The following MACROD2 variants were observed in gnomAD, a reference collection of about 807,000 sequenced individuals.
MACROD2 encodes the protein ADP-ribose glycohydrolase MACROD2.
In MACROD2, 36 loss-of-function variants were observed where a neutral mutation model predicts 70.4. The observed-to-expected ratio is 0.51, with a 90% confidence interval of 0.39 to 0.68. MACROD2 has a LOEUF of 0.68. Among genes scored for constraint, MACROD2 ranks in the 30% least tolerant of loss-of-function variants. MACROD2 has a pLI of 0.00. For synonymous variants in MACROD2, 172 were observed against 178.8 expected (o/e 0.96, Z 0.30); for missense variants, 496 against 538.4 (o/e 0.92, Z 0.78).
At chr20:14,792,174 A>G (rs1358317687) in intron 5 of MACROD2, among the ~76,000 whole-genome samples, 11 of 152,034 alleles carry the variant, frequency 7.2e-5, no homozygotes, top group Admixed American at 6.6e-4. Flanking sequence ...AATGGCGGCC[A>G]CTGTTTCTCT....
intron 5 of MACROD2, among the ~76,000 whole-genome samples, chr20:14,758,415 C>T (rs1465776724): frequency 6.6e-6 from 1 of 152,134 alleles, no homozygotes; most frequent in Non-Finnish European, 1.5e-5. Flanking sequence ...TTAAAGCATG[C>T]AGTCCTGTAT....
chr20:15,668,038 T>A (rs1053581876), intron 8 of MACROD2, among the ~76,000 whole-genome samples: 2 of 151,456 alleles, frequency 1.3e-5, no homozygotes, highest in Non-Finnish European at 2.9e-5. Flanking sequence ...GGTGGGTAGG[T>A]CACCTGAGGT....
At chr20:16,020,891 C>T (rs1044836199) in intron 15 of MACROD2, among the ~76,000 whole-genome samples, 4 of 152,110 alleles carry the variant, frequency 2.6e-5, no homozygotes, top group Non-Finnish European at 2.9e-5. Context: ...CATTAATTTA[C>T]ATATGTAATT....
rs2066496781 is a variant in MACROD2 at position 15,987,138 on chromosome 20, A to G, written c.1133A>G (p.Glu378Gly). 9 of 1,610,794 alleles carry G rather than the reference A, an allele frequency of 5.6e-6. No individual in the cohort carries two copies. The East Asian group carries it at 2.0e-4, about 36-fold the overall frequency. Residue 378 changes from glutamate (E) to glycine (G), a missense_variant, in exon 15 of 18, where the codon GAA becomes GGA. Physicochemically the swap from Glu to Gly is moderately conservative, Grantham distance 98 (BLOSUM62 -2). Coordinates refer to ENST00000684519, the MANE Select transcript of MACROD2 (RefSeq NM_001351661.2). ...GTGATTCCATTAACAGAGGACCAAG[A>G]AGAAAAAGAAGGTGAAAAAGGTAGG... is the stretch of plus-strand genomic sequence containing the variant. ...PEVIPLTEDQ[E>G]EKEGEKAPGE... is the part of the protein sequence containing the mutation.
intron 5 of MACROD2, among the ~76,000 whole-genome samples, chr20:15,073,028 T>G (rs2075630684): frequency 1.3e-5 from 2 of 152,256 alleles, no homozygotes; most frequent in Admixed American, 1.3e-4. Flanking sequence ...TCTTTGCCCT[T>G]CTGCCATGGG....
chr20:15,112,163 C>G (rs566838004), intron 5 of MACROD2, among the ~76,000 whole-genome samples: 2 of 152,094 alleles, frequency 1.3e-5, no homozygotes, highest in African/African-American at 4.8e-5. Context: ...GTTGCAGAGA[C>G]CCTGACAGGA....
chr20:14,985,200 ACAC>A (rs2074837673), intron 5 of MACROD2, among the ~76,000 whole-genome samples: 1 of 152,156 alleles, frequency 6.6e-6, no homozygotes, highest in Non-Finnish European at 1.5e-5. Context: ...CTAACCTATG[ACAC>A]TTCACTCAAT....
At chr20:14,564,494 C>G (rs2123300789) in intron 4 of MACROD2, among the ~76,000 whole-genome samples, 1 of 151,652 alleles carries the variant, frequency 6.6e-6, no homozygotes, top group African/African-American at 2.4e-5. Context: ...ACTCAAATAA[C>G]TCAACAAGAA....
chr20:15,545,324 C>T (rs1263353870), intron 8 of MACROD2, among the ~76,000 whole-genome samples: 1 of 152,180 alleles, frequency 6.6e-6, no homozygotes. Context: ...TATTAAGCTG[C>T]AAATCACTGG....
chr20:14,701,806 A>G (rs755160608), intron 5 of MACROD2, among the ~76,000 whole-genome samples: 20 of 152,142 alleles, frequency 1.3e-4, no homozygotes, highest in Non-Finnish European at 2.5e-4. Flanking sequence ...TATGTCCCTG[A>G]GCTTGGTGTG....
intron 3 of MACROD2, among the ~76,000 whole-genome samples, chr20:14,302,254 G>GGA (rs1308575048): frequency 9.9e-5 from 15 of 152,150 alleles, no homozygotes; most frequent in South Asian, 2.1e-4. Flanking sequence ...TGTGGTTGTT[G>GGA]GACTGTACTC....
intron 4 of MACROD2, among the ~76,000 whole-genome samples, chr20:14,507,954 T>C (rs1424351063): frequency 6.6e-6 from 1 of 152,176 alleles, no homozygotes; most frequent in Non-Finnish European, 1.5e-5. Context: ...AAGGCAAATA[T>C]ACTAGCTACA....
intron 6 of MACROD2, among the ~76,000 whole-genome samples, chr20:15,280,313 CT>C (rs537535974): frequency 0.011 from 1,628 of 149,244 alleles, 25 homozygotes; most frequent in African/African-American, 0.03. Flanking sequence ...AGGATGCAAA[CT>C]TTTTTTTTTA....
chr20:14,420,592 G>A (rs1332202553), intron 3 of MACROD2, among the ~76,000 whole-genome samples: 3 of 152,094 alleles, frequency 2.0e-5, no homozygotes, highest in Non-Finnish European at 4.4e-5. Context: ...CCATTATTGA[G>A]TTTTAGGAGT....
chr20:15,602,422 G>T (rs528391711), intron 8 of MACROD2, among the ~76,000 whole-genome samples: 5 of 152,094 alleles, frequency 3.3e-5, no homozygotes, highest in Non-Finnish European at 7.4e-5. Context: ...CTCCCTTCCC[G>T]TCTAAGGGTG....
intron 5 of MACROD2, among the ~76,000 whole-genome samples, chr20:15,101,359 T>C (rs2075870908): frequency 1.3e-5 from 2 of 152,076 alleles, no homozygotes; most frequent in Non-Finnish European, 2.9e-5. Context: ...TTTAGTTTAG[T>C]TCATCTGCAG....
chr20:15,632,008 G>A (rs6034238), intron 8 of MACROD2, among the ~76,000 whole-genome samples: 11,466 of 151,818 alleles, frequency 0.076, 480 homozygotes, highest in East Asian at 0.13. Context: ...GTGTAGTGAC[G>A]GGTGCCTGTA....
At chr20:14,249,721 T>G (rs1264317125) in intron 3 of MACROD2, among the ~76,000 whole-genome samples, 3 of 152,168 alleles carry the variant, frequency 2.0e-5, no homozygotes, top group African/African-American at 7.2e-5. Context: ...TGTAAAGCTT[T>G]TTTTAAAAAA....
At chr20:14,305,821 G>A (rs2082515659) in intron 3 of MACROD2, among the ~76,000 whole-genome samples, 1 of 151,832 alleles carries the variant, frequency 6.6e-6, no homozygotes, top group African/African-American at 2.4e-5. Flanking sequence ...CCTGGTGTTT[G>A]GGGGAAAGAT....
Sources: gnomAD v4.1 joint callset for allele counts (sites outside exome capture counted in the v4.1 genomes callset) on GRCh38, gnomAD v4.1.1 for gene constraint, MANE v1.5 for transcripts, NCBI Gene and HGNC (gene_info 2026-07-23, HGNC 2026-07-21) for gene names.